The following SPAG17 variants were observed in gnomAD, a reference collection of about 807,000 sequenced individuals.
SPAG17 encodes sperm-associated antigen 17.
A neutral mutation model predicts 273.6 loss-of-function variants in SPAG17; 169 were observed. That is an observed-to-expected ratio of 0.62 (90% confidence interval 0.55 to 0.70). The LOEUF is 0.70. SPAG17 is among the 30% of genes least tolerant of loss of function. The probability of loss-of-function intolerance (pLI) is 0.00; values close to 1 mark genes in which losing one functional copy is unlikely to be tolerated. For missense variants in SPAG17, 2,557 were observed against 2,627.8 expected, an observed-to-expected ratio of 0.97 and a Z score of 0.59; for synonymous variants, 825 against 873.2, an observed-to-expected ratio of 0.94 and a Z score of 0.97.
At chr1:118,140,982 C>T (rs1396905110) in intron 3 of SPAG17, among the ~76,000 whole-genome samples, 1 of 152,192 alleles carries the variant, frequency 6.6e-6, no homozygotes, top group Non-Finnish European at 1.5e-5. Flanking sequence ...CACCCTCTGC[C>T]TGAATATTTT....
At chr1:117,988,777 T>C (rs1037086043) in intron 38 of SPAG17, among the ~76,000 whole-genome samples, 3 of 151,466 alleles carry the variant, frequency 2.0e-5, no homozygotes, top group Non-Finnish European at 4.4e-5. Context: ...TTTAATTAAT[T>C]AACGTCATTG....
At chr1:118,147,388 T>C (rs1659070754) in intron 3 of SPAG17, among the ~76,000 whole-genome samples, 1 of 152,170 alleles carries the variant, frequency 6.6e-6, no homozygotes, top group Admixed American at 6.5e-5. Flanking sequence ...TATATGCCAG[T>C]GCATGGGTTC....
intron 3 of SPAG17, among the ~76,000 whole-genome samples, chr1:118,134,705 T>TG (rs1658242820): frequency 6.6e-6 from 1 of 152,196 alleles, no homozygotes; most frequent in African/African-American, 2.4e-5. Flanking sequence ...CTTTATGATT[T>TG]GTCCTTGAGC....
In SPAG17 at chr1:118,140,461, A is replaced by G. The variant is rs191741212; in HGVS notation, c.315+10082T>C. On this transcript the variant is annotated intron_variant, in intron 3 of 48. Transcript: ENST00000336338. ...TATAACACCACTTTTTACCCCATAA[A>G]TGTATTCAATTATAAATGTCAATTT... Among the ~76,000 whole-genome samples, 39 of 152,308 alleles carry G rather than the reference A, an allele frequency of 2.6e-4. 1 individual carries two copies. In the East Asian group the frequency reaches 7.3e-3, roughly 29 times the overall value.
intron 18 of SPAG17, 49 bp from the exon 19 acceptor site, chr1:118,055,963 A>G: frequency 6.8e-7 from 1 of 1,462,258 alleles, no homozygotes; most frequent in South Asian, 1.2e-5. Flanking sequence ...GAAAGTCAAT[A>G]AATACTAAGG....
At chr1:118,028,513 C>T (rs1168759167) in intron 25 of SPAG17, 119 bp from the exon 26 acceptor site, 7 of 1,245,450 alleles carry the variant, frequency 5.6e-6, no homozygotes, top group Middle Eastern at 2.7e-4. Flanking sequence ...AGCTAGGTGG[C>T]CCCTGCAAGG....
intron 4 of SPAG17, among the ~76,000 whole-genome samples, chr1:118,111,717 T>G (rs1440753734): frequency 6.6e-6 from 1 of 152,172 alleles, no homozygotes; most frequent in East Asian, 1.9e-4. Flanking sequence ...GGGTTGCTTG[T>G]GGCTTCATCA....
intron 4 of SPAG17, among the ~76,000 whole-genome samples, chr1:118,109,027 C>A (rs940928543): frequency 1.3e-5 from 2 of 152,070 alleles, no homozygotes; most frequent in Non-Finnish European, 2.9e-5. Context: ...TAAATGACTT[C>A]TTGATGTCAA....
intron 43 of SPAG17, among the ~76,000 whole-genome samples, chr1:117,975,261 T>C (rs1203512067): frequency 6.6e-6 from 1 of 152,134 alleles, no homozygotes; most frequent in African/African-American, 2.4e-5. Flanking sequence ...AATACTCTCC[T>C]GGAAAGCCAG....
intron 3 of SPAG17, among the ~76,000 whole-genome samples, chr1:118,135,411 ATGTG>A (rs1296722404): frequency 3.6e-5 from 3 of 83,146 alleles, no homozygotes; most frequent in African/African-American, 1.0e-4. Context: ...GTGTGTGTGT[ATGTG>A]TGTGTGTGTG....
At chr1:118,096,402 T>A (rs964667899) in intron 7 of SPAG17, among the ~76,000 whole-genome samples, 9 of 150,872 alleles carry the variant, frequency 6.0e-5, no homozygotes, top group Non-Finnish European at 5.9e-5. Context: ...CAGACACCCA[T>A]CCACCCTCCA....
intron 3 of SPAG17, among the ~76,000 whole-genome samples, chr1:118,142,717 G>C (rs981872064): frequency 5.3e-5 from 8 of 152,104 alleles, no homozygotes; most frequent in African/African-American, 1.7e-4. Context: ...TTTACAAAGA[G>C]AAAACAGAGG....
At chr1:117,995,991 A>C (rs1657606767) in intron 34 of SPAG17, among the ~76,000 whole-genome samples, 1 of 152,072 alleles carries the variant, frequency 6.6e-6, no homozygotes, top group Non-Finnish European at 1.5e-5. Context: ...ATATCTTCAA[A>C]ATGACAAAAA....
At chr1:118,062,366 C>CAAAAAAAAAAAAAAAA (rs56029752) in intron 18 of SPAG17, among the ~76,000 whole-genome samples, 2 of 46,406 alleles carry the variant, frequency 4.3e-5, no homozygotes, top group African/African-American at 2.2e-4. Context: ...GACTCCATCT[C>CAAAAAAAAAAAAAAAA]AAAAAAAAAA....
At chr1:117,967,901 C>T (rs1398315135) in intron 46 of SPAG17, among the ~76,000 whole-genome samples, 1 of 152,140 alleles carries the variant, frequency 6.6e-6, no homozygotes, top group Non-Finnish European at 1.5e-5. Context: ...CAATTAGATA[C>T]AAATGGAATG....
intron 3 of SPAG17, among the ~76,000 whole-genome samples, chr1:118,135,383 GTGTGTGTGTGTGTGTGTGTGTGTGTGTA>G (rs1658287199): frequency 6.7e-6 from 1 of 150,266 alleles, no homozygotes; most frequent in African/African-American, 2.5e-5. Context: ...GTGTGTGTGT[GTGTGTGTGTGTGTGTGTGTGTGTGTGTA>G]TGTGTGTGTG....
chr1:118,161,836 G>C (rs905821269), intron 1 of SPAG17, among the ~76,000 whole-genome samples: 1 of 152,162 alleles, frequency 6.6e-6, no homozygotes, highest in African/African-American at 2.4e-5. Context: ...CGTCCGGCCA[G>C]GGAAGGGTTT....
In SPAG17 at chr1:118,151,273, G is replaced by A. The variant is rs553484202; in HGVS notation, c.184C>T (p.Arg62Cys). The A allele has an allele frequency of 6.8e-6, 11 of 1,613,320 alleles. No individual in the cohort carries two copies. Among genetic ancestry groups the A allele is most frequent in the East Asian group, 2.2e-5 (1 of 44,860 alleles). Residue 62 changes from arginine (R) to cysteine (C), a missense_variant, in exon 2 of 49, where the codon CGT (arginine) becomes TGT (cysteine). Physicochemically the swap from Arg to Cys is radical, Grantham distance 180. Transcript: ENST00000336338. Reference protein sequence around the residue: ...ALTVAVQVPQRKLFSMVSWQD... With the variant: ...ALTVAVQVPQCKLFSMVSWQD... Reference sequence around the variant, plus strand: ...CACGACACCATACTGAAGAGTTTACGCTGAGGGACCTGGACAGCCACGGTA... The same window carrying A: ...CACGACACCATACTGAAGAGTTTACACTGAGGGACCTGGACAGCCACGGTA...
intron 1 of SPAG17, among the ~76,000 whole-genome samples, chr1:118,153,591 G>T (rs1659501315): frequency 6.6e-6 from 1 of 152,200 alleles, no homozygotes; most frequent in South Asian, 2.1e-4. Flanking sequence ...GCTCATGCCT[G>T]TAATCTCAGC....
Sources: gnomAD v4.1 joint callset for allele counts (sites outside exome capture counted in the v4.1 genomes callset) on GRCh38, gnomAD v4.1.1 for gene constraint, MANE v1.5 for transcripts, NCBI Gene and HGNC (gene_info 2026-07-23, HGNC 2026-07-21) for gene names.